Variants in PLD1 observed in about 807,000 individuals in gnomAD.
PLD1 encodes phospholipase D1.
In PLD1, 112 loss-of-function variants were observed where a neutral mutation model predicts 137.1. The ratio of observed to expected loss-of-function variants is 0.82; its 90% confidence interval spans 0.70 to 0.96. PLD1 has a LOEUF of 0.96. Ranked by LOEUF, PLD1 falls within the 40% of genes least tolerant of loss-of-function variation. PLD1 has a pLI of 0.00. For synonymous variants in PLD1, 431 were observed against 454.7 expected, an observed-to-expected ratio of 0.95 and a Z score of 0.66; for missense variants, 1,321 against 1,342.0, an observed-to-expected ratio of 0.98 and a Z score of 0.24.
At chr3:171,748,213 C>T (rs2108285585) in intron 1 of PLD1, among the ~76,000 whole-genome samples, 1 of 152,332 alleles carries the variant, frequency 6.6e-6, no homozygotes, top group South Asian at 2.1e-4. Flanking sequence ...GGGAGGATTA[C>T]TCCTGACTTC....
intron 1 of PLD1, among the ~76,000 whole-genome samples, chr3:171,750,976 A>G (rs1260451804): frequency 6.6e-6 from 1 of 152,192 alleles, no homozygotes; most frequent in Non-Finnish European, 1.5e-5. Context: ...AGATGAACTG[A>G]ACCAAGTAGG....
intron 1 of PLD1, among the ~76,000 whole-genome samples, chr3:171,742,483 T>C (rs1377300146): frequency 8.8e-6 from 1 of 113,442 alleles, no homozygotes; most frequent in Non-Finnish European, 1.8e-5. Context: ...TAACATAATA[T>C]GCAAAAATTC....
At chr3:171,799,752 T>C (rs552850977) in intron 1 of PLD1, among the ~76,000 whole-genome samples, 2 of 152,308 alleles carry the variant, frequency 1.3e-5, no homozygotes, top group South Asian at 4.2e-4. Context: ...TATGTACCCT[T>C]GATACGATGT....
chr3:171,652,726 G>T lies in PLD1; in HGVS notation c.2429+6487C>A, dbSNP rs550117781. Among the ~76,000 whole-genome samples, 4 of 148,948 alleles carry T rather than the reference G, an allele frequency of 2.7e-5. No homozygotes were observed. In the East Asian group the frequency reaches 5.9e-4, roughly 22 times the overall value. On this transcript the variant is annotated intron_variant, in intron 21 of 26. Transcript: ENST00000351298. ...AGAGATCCTCCCACCTCAGCTTCCC[G>T]GATGGCTGGGACCACAGGCATGTAC... is the stretch of plus-strand genomic sequence containing the variant.
chr3:171,633,568 T>C (rs917164794), intron 23 of PLD1, among the ~76,000 whole-genome samples: 3 of 152,104 alleles, frequency 2.0e-5, no homozygotes, highest in Non-Finnish European at 2.9e-5. Flanking sequence ...CAAACCACCA[T>C]GGCATGTGTA....
At chr3:171,620,106 G>A (rs1033616851) in intron 24 of PLD1, among the ~76,000 whole-genome samples, 1 of 152,094 alleles carries the variant, frequency 6.6e-6, no homozygotes, top group Admixed American at 6.5e-5. Flanking sequence ...GAAGTGATAG[G>A]TACTGCAATT....
At chr3:171,666,572 C>T (rs957908595) in intron 19 of PLD1, among the ~76,000 whole-genome samples, 2 of 152,196 alleles carry the variant, frequency 1.3e-5, no homozygotes, top group African/African-American at 4.8e-5. Flanking sequence ...TTTATTTTTT[C>T]ACCTTTTTCC....
chr3:171,780,287 G>A (rs1204216090), intron 1 of PLD1, among the ~76,000 whole-genome samples: 1 of 150,926 alleles, frequency 6.6e-6, no homozygotes, highest in Non-Finnish European at 1.5e-5. Context: ...CTGGGATTTG[G>A]ATCCATAAGT....
chr3:171,691,372 C>CT, intron 13 of PLD1, among the ~76,000 whole-genome samples: 1 of 152,210 alleles, frequency 6.6e-6, no homozygotes, highest in South Asian at 2.1e-4. Flanking sequence ...TGTCTTATAG[C>CT]TTTTTTGTCT....
chr3:171,667,258 T>G (rs888756703), intron 19 of PLD1, among the ~76,000 whole-genome samples: 63 of 152,250 alleles, frequency 4.1e-4, no homozygotes, highest in African/African-American at 1.5e-3. Flanking sequence ...TGTCGGGCCT[T>G]TTTCTTCCAG....
At chr3:171,639,538 TATAAATATATATTCA>T (rs1427845880) in intron 23 of PLD1, among the ~76,000 whole-genome samples, 13 of 85,502 alleles carry the variant, frequency 1.5e-4, no homozygotes, top group African/African-American at 8.4e-4. Context: ...ATATATATTA[TATAAATATATATTCA>T]TATAATATAT....
chr3:171,737,809 A>G, intron 2 of PLD1, 83 bp downstream of exon 2: 1 of 1,468,222 alleles, frequency 6.8e-7, no homozygotes, highest in Non-Finnish European at 9.2e-7. Flanking sequence ...AAAATCAATC[A>G]TTTGCTGGTT....
intron 1 of PLD1, among the ~76,000 whole-genome samples, chr3:171,758,488 T>C (rs1249933447): frequency 6.6e-6 from 1 of 152,252 alleles, no homozygotes; most frequent in African/African-American, 2.4e-5. Flanking sequence ...AGATCCTTGC[T>C]ACTGAGAGTG....
chr3:171,659,273 T>C lies in PLD1; in HGVS notation c.2369A>G (p.Asp790Gly), dbSNP rs1560188947. 6.2e-7 allele frequency: 1 copy of C among 1,613,402 alleles called. No individual in the cohort carries two copies. The highest frequency in any genetic ancestry group is 8.5e-7 in the Non-Finnish European group (1 of 1,179,264). The change falls in exon 21 of 27, where the codon GAC (aspartate) becomes GGC (glycine). Residue 790 changes from aspartate to glycine, a missense_variant. Asp to Gly is a moderately conservative substitution (Grantham distance 94). Coordinates refer to ENST00000351298, the MANE Select transcript of PLD1 (RefSeq NM_002662.5). ...ENQFFISCAD[D>G]KVVFNKIGDA... ...GCCTATCTTGTTGAACACAACTTTGTCATCAGCACAGCTTATGAAAAACTG... is the reference window on the plus strand; with the variant it reads ...GCCTATCTTGTTGAACACAACTTTGCCATCAGCACAGCTTATGAAAAACTG...
At chr3:171,698,216 T>C (rs1715933181) in intron 12 of PLD1, among the ~76,000 whole-genome samples, 1 of 152,204 alleles carries the variant, frequency 6.6e-6, no homozygotes, top group East Asian at 1.9e-4. Flanking sequence ...GGTTCAAATC[T>C]GATTCATGGT....
intron 15 of PLD1, 60 bp downstream of exon 15, chr3:171,687,311 G>A: frequency 7.3e-7 from 1 of 1,362,458 alleles, no homozygotes; most frequent in South Asian, 1.2e-5. Context: ...GGTATGTAGT[G>A]TCTGGCTATG....
At chr3:171,660,184 C>G (rs188100647) in intron 20 of PLD1, among the ~76,000 whole-genome samples, 1 of 152,300 alleles carries the variant, frequency 6.6e-6, no homozygotes, top group African/African-American at 2.4e-5. Context: ...TAATTATCAT[C>G]CCTTTGTGGC....
At chr3:171,800,420 G>A (rs967636898) in intron 1 of PLD1, among the ~76,000 whole-genome samples, 2 of 152,076 alleles carry the variant, frequency 1.3e-5, no homozygotes, top group Non-Finnish European at 2.9e-5. Context: ...TGTTGGCCAG[G>A]CTGGTCTCAA....
At chr3:171,748,337 A>G (rs1022317094) in intron 1 of PLD1, among the ~76,000 whole-genome samples, 16 of 152,336 alleles carry the variant, frequency 1.1e-4, no homozygotes, top group African/African-American at 3.8e-4. Flanking sequence ...ATATTGCTAA[A>G]AACTGTGGTC....
Sources: gnomAD v4.1 joint callset for allele counts (sites outside exome capture counted in the v4.1 genomes callset) on GRCh38, gnomAD v4.1.1 for gene constraint, MANE v1.5 for transcripts, NCBI Gene and HGNC (gene_info 2026-07-23, HGNC 2026-07-21) for gene names.